Variants in FRMD1 observed in about 807,000 individuals in gnomAD.
The protein encoded by FRMD1 is FERM domain containing 1.
Under a neutral mutation model 54.9 loss-of-function variants are expected in FRMD1, and 51 were observed. The observed-to-expected ratio is 0.93, with a 90% CI of 0.74 to 1.17. The LOEUF (loss-of-function observed/expected upper bound fraction) is 1.17, where lower values mean the gene tolerates loss of function less well. Ranked by LOEUF, FRMD1 falls within the 50% of genes most tolerant of loss-of-function variation. FRMD1 has a pLI of 0.00. For synonymous variants in FRMD1, 324 were observed against 306.4 expected, an observed-to-expected ratio of 1.06 and a Z score of -0.60; for missense variants, 729 against 743.0, an observed-to-expected ratio of 0.98 and a Z score of 0.22.
rs142502669 is a variant in FRMD1 at position 168,079,141 on chromosome 6, T to A, written c.-47A>T. On this transcript the variant is annotated 5_prime_UTR_variant, in exon 1 of 11. Coordinates refer to ENST00000283309, the MANE Select transcript of FRMD1 (RefSeq NM_024919.6). Reference sequence around the variant, plus strand: ...CCCGCCATGGGTCGCAGGTGGGTGCTCAGCACCTCCCAGATCACAGCTGTG... The same window carrying A: ...CCCGCCATGGGTCGCAGGTGGGTGCACAGCACCTCCCAGATCACAGCTGTG... The A allele has an allele frequency of 1.2e-3, 1,803 of 1,538,072 alleles. 18 individuals carry two copies. In the African/African-American group the frequency reaches 0.018, roughly 15 times the overall value.
chr6:168,071,832 C>T (rs1195573433), intron 2 of FRMD1, among the ~76,000 whole-genome samples: 2 of 152,232 alleles, frequency 1.3e-5, no homozygotes, highest in Non-Finnish European at 2.9e-5. Flanking sequence ...GCCACCCTCC[C>T]AGCCCCTCCT....
At chr6:168,072,394 C>T (rs560910591) in intron 2 of FRMD1, among the ~76,000 whole-genome samples, 46 of 152,356 alleles carry the variant, frequency 3.0e-4, no homozygotes, top group African/African-American at 9.9e-4. Flanking sequence ...CACCCGTGGT[C>T]GCCTTGCGAA....
chr6:168,060,864 C>A lies in FRMD1; in HGVS notation c.1239G>T (p.Met413Ile). Residue 413 changes from methionine to isoleucine, a missense_variant, in exon 9 of 11, where the codon ATG (methionine) becomes ATT (isoleucine). By Grantham distance (10) the Met-to-Ile change is conservative. Coordinates refer to ENST00000283309, the MANE Select transcript of FRMD1 (RefSeq NM_024919.6). ...ANSWLRESRE[M>I]SVDVPLEVHG... ...GGACCTCCAAGGGCACGTCCACAGACATCTCTCTGGATTCCCTGAGCCAGG... is the reference window on the plus strand; with the variant it reads ...GGACCTCCAAGGGCACGTCCACAGAAATCTCTCTGGATTCCCTGAGCCAGG... 1 of 1,613,808 alleles carries A rather than the reference C, an allele frequency of 6.2e-7. No homozygotes were observed. Among genetic ancestry groups the A allele is most frequent in the Non-Finnish European group, 8.5e-7 (1 of 1,180,030 alleles).
At position 168,078,906 on chromosome 6, in the gene FRMD1, C is replaced by G; in HGVS notation, c.189G>C (p.Arg63=). ...CCCCCACGGCCAGCCGCAGTTGCTC[C>G]CGGCTGGGCAGCAGCACGAGGACAT... is the stretch of plus-strand genomic sequence containing the variant. ...HRDVLVLLPS[R]EQLRLAVGVK... Residue 63 remains arginine (R), a synonymous_variant, in exon 1 of 11, where the codon CGG becomes CGC. Transcript: ENST00000283309. 6.3e-7 allele frequency: 1 copy of G among 1,597,478 alleles called. No individual in the cohort carries two copies. The highest frequency in any genetic ancestry group is 8.5e-7 in the Non-Finnish European group (1 of 1,174,698).
chr6:168,082,860 C>T (rs1042177508), upstream of FRMD1, among the ~76,000 whole-genome samples: 4 of 152,190 alleles, frequency 2.6e-5, no homozygotes, highest in African/African-American at 9.6e-5. Context: ...TTGGGGTGCG[C>T]AGCAGGGTAC....
In FRMD1 at chr6:168,078,888, G is replaced by T. The variant is rs78152017; in HGVS notation, c.207C>A (p.Ala69=). Residue 69 remains alanine (A), a synonymous_variant, in exon 1 of 11, where the codon GCC becomes GCA. Coordinates refer to ENST00000283309, the MANE Select transcript of FRMD1 (RefSeq NM_024919.6). Reference sequence around the variant, plus strand: ...CACCCAGGGCCCTGCTCACCCCCACGGCCAGCCGCAGTTGCTCCCGGCTGG... The same window carrying T: ...CACCCAGGGCCCTGCTCACCCCCACTGCCAGCCGCAGTTGCTCCCGGCTGG... ...LLPSREQLRL[A]VGVKATGREL... The T allele has an allele frequency of 8.9e-6, 14 of 1,576,422 alleles. No homozygotes were observed. The South Asian group carries it at 1.5e-4, about 17-fold the overall frequency.
chr6:168,074,506 CAT>C (rs1483742314), intron 2 of FRMD1, among the ~76,000 whole-genome samples: 1 of 120,940 alleles, frequency 8.3e-6, no homozygotes, highest in Non-Finnish European at 1.7e-5. Flanking sequence ...CTGGTGTGTG[CAT>C]GTGTGTGGTG....
intron 2 of FRMD1, among the ~76,000 whole-genome samples, chr6:168,069,161 G>A (rs932004055): frequency 6.6e-6 from 1 of 152,194 alleles, no homozygotes; most frequent in African/African-American, 2.4e-5. Flanking sequence ...CACAGACAGG[G>A]AGGCCCAGAC....
At chr6:168,076,025 A>G (rs950675885) in intron 1 of FRMD1, among the ~76,000 whole-genome samples, 1 of 152,140 alleles carries the variant, frequency 6.6e-6, no homozygotes, top group African/African-American at 2.4e-5. Context: ...CCCGGCATGG[A>G]TGGGATTGGC....
intron 3 of FRMD1, 61 bp from the exon 4 acceptor site, chr6:168,066,892 G>A (rs895280020): frequency 1.9e-5 from 31 of 1,591,964 alleles, no homozygotes; most frequent in Non-Finnish European, 2.6e-5. Context: ...TGGCTGTCCT[G>A]TCTTCCCAGT....
rs528706073 is a variant in FRMD1 at position 168,061,806 on chromosome 6, C to T, written c.1045+1G>A. The T allele has an allele frequency of 1.5e-4, 229 of 1,550,756 alleles. 3 individuals carry two copies. The South Asian group carries it at 2.6e-3, about 17-fold the overall frequency. ...GCCCAGCATACCCAGCCCAGCCCCACCTTCTGCCTCCTCCCGCTGCCGCAG... is the reference window on the plus strand; with the variant it reads ...GCCCAGCATACCCAGCCCAGCCCCATCTTCTGCCTCCTCCCGCTGCCGCAG... On this transcript the variant is annotated splice_donor_variant, in intron 8 of 10. Coordinates refer to ENST00000283309, the MANE Select transcript of FRMD1 (RefSeq NM_024919.6). LOFTEE classifies it high-confidence loss of function.
At chr6:168,066,636 GTTTGTTT>G (rs1800039617) in intron 4 of FRMD1, 112 bp downstream of exon 4, 3 of 1,443,902 alleles carry the variant, frequency 2.1e-6, no homozygotes, top group Non-Finnish European at 9.1e-7. Context: ...GGGGTTGTTT[GTTTGTTT>G]TTTGTTTTTG....
At chr6:168,088,764 C>T (rs147019726) in intron 1 of FRMD1, among the ~76,000 whole-genome samples, 1 of 152,152 alleles carries the variant, frequency 6.6e-6, no homozygotes, top group African/African-American at 2.4e-5. Context: ...CTGTCCCCTG[C>T]ACACAGCACC....
At chr6:168,092,320 C>T (rs547068533) in intron 1 of FRMD1, among the ~76,000 whole-genome samples, 1 of 152,358 alleles carries the variant, frequency 6.6e-6, no homozygotes, top group East Asian at 1.9e-4. Context: ...AACAAATGCA[C>T]ACTGGGCTGC....
chr6:168,064,572 G>T (rs904936081), intron 5 of FRMD1, among the ~76,000 whole-genome samples: 1 of 152,230 alleles, frequency 6.6e-6, no homozygotes, highest in Non-Finnish European at 1.5e-5. Context: ...AGGCAGCCAA[G>T]GGGCTCAGAG....
intron 2 of FRMD1, among the ~76,000 whole-genome samples, 181 bp downstream of exon 2, chr6:168,075,064 G>A (rs1800518443): frequency 6.6e-6 from 1 of 151,632 alleles, no homozygotes; most frequent in East Asian, 2.0e-4. Flanking sequence ...TGTGTGTGGT[G>A]TGTGCATGTG....
chr6:168,076,486 T>G (rs1026815303), intron 1 of FRMD1, among the ~76,000 whole-genome samples: 3 of 152,122 alleles, frequency 2.0e-5, no homozygotes, highest in Admixed American at 2.0e-4. Context: ...ACGGGGGTGG[T>G]TCCCCCATCC....
chr6:168,057,770 G>A (rs964288965), intron 10 of FRMD1: 2 of 180,438 alleles, frequency 1.1e-5, no homozygotes, highest in Admixed American at 5.5e-5. Flanking sequence ...CCAGGTGGGC[G>A]GCCAGCGGGC....
chr6:168,090,076 G>A (rs114740616), intron 1 of FRMD1, among the ~76,000 whole-genome samples: 1,699 of 152,136 alleles, frequency 0.011, 30 homozygotes, highest in East Asian at 0.039. Flanking sequence ...CAATCCCGGC[G>A]GCGTTACCCC....
Sources: allele counts gnomAD v4.1 joint callset (sites outside exome capture counted in the v4.1 genomes callset), GRCh38; gene constraint gnomAD v4.1.1; transcripts MANE v1.5; gene names NCBI Gene and HGNC (gene_info 2026-07-23, HGNC 2026-07-21).